LDB2: variants seen among roughly 807,000 people sequenced by gnomAD.
LDB2 encodes LIM domain-binding protein 2.
Under a neutral mutation model 44.3 loss-of-function variants are expected in LDB2, and 12 were observed. The observed-to-expected ratio is 0.27, with a 90% confidence interval of 0.17 to 0.44. The LOEUF (loss-of-function observed/expected upper bound fraction) is 0.44, where lower values mean the gene tolerates loss of function less well. LDB2 is among the 20% of genes least tolerant of loss of function. LDB2 has a pLI of 1.00. For missense variants in LDB2, 344 were observed against 473.5 expected (o/e 0.73, Z 2.54); for synonymous variants, 164 against 174.8 (o/e 0.94, Z 0.49).
intron 2 of LDB2, among the ~76,000 whole-genome samples, chr4:16,714,330 C>G (rs1474465845): frequency 6.6e-6 from 1 of 152,204 alleles, no homozygotes; most frequent in Non-Finnish European, 1.5e-5. Context: ...ACTCAGCTAG[C>G]TGGATGTGAG....
At chr4:16,552,472 C>T (rs1437077584) in intron 5 of LDB2, among the ~76,000 whole-genome samples, 1 of 152,054 alleles carries the variant, frequency 6.6e-6, no homozygotes, top group East Asian at 1.9e-4. Context: ...CACCTTTTTT[C>T]TTGTTTGTAA....
chr4:16,653,143 A>G (rs1336677599), intron 2 of LDB2, among the ~76,000 whole-genome samples: 4 of 152,186 alleles, frequency 2.6e-5, no homozygotes, highest in Non-Finnish European at 4.4e-5. Context: ...GGGGCCCTGC[A>G]GCTGATAGAG....
intron 5 of LDB2, among the ~76,000 whole-genome samples, chr4:16,563,070 G>A (rs1743011511): frequency 6.6e-5 from 10 of 151,496 alleles, no homozygotes; most frequent in African/African-American, 2.4e-4. Flanking sequence ...CTGTTGTGGG[G>A]TGGGGGGAGA....
At chr4:16,771,086 G>T (rs76307189) in intron 1 of LDB2, among the ~76,000 whole-genome samples, 1,888 of 152,172 alleles carry the variant, frequency 0.012, 17 homozygotes, top group Non-Finnish European at 0.018. Context: ...TCAAAATCTT[G>T]TTTCTGTGAC....
Position 16,898,361 on chromosome 4 carries a change from C to A in LDB2, c.125G>T (p.Arg42Leu). ...IYEMNKRLQS[R>L]TEDSDNLWWD... ...CAAGGTTGAAGTACTTACCTCTGTG[C>A]GAGACTGCAGTCTCTTGTTCATCTC... Residue 42 changes from arginine to leucine, a missense_variant, in exon 1 of 8, where the codon CGC becomes CTC. Coordinates refer to ENST00000304523, the MANE Select transcript of LDB2 (RefSeq NM_001290.5). The A allele has an allele frequency of 1.2e-6, 2 of 1,612,914 alleles. No individual in the cohort carries two copies. The highest frequency in any genetic ancestry group is 1.1e-5 in the South Asian group (1 of 90,934).
At chr4:16,850,365 C>T (rs1006173094) in intron 1 of LDB2, among the ~76,000 whole-genome samples, 6 of 151,222 alleles carry the variant, frequency 4.0e-5, no homozygotes, top group Non-Finnish European at 7.4e-5. Flanking sequence ...ATTTCCCTTG[C>T]ATGCAAAAAA....
intron 2 of LDB2, among the ~76,000 whole-genome samples, chr4:16,691,821 G>A (rs1465705796): frequency 1.3e-5 from 2 of 152,102 alleles, no homozygotes; most frequent in South Asian, 2.1e-4. Flanking sequence ...AGGAGTGTAG[G>A]TGTCTGACAC....
At chr4:16,651,597 A>G (rs1055965207) in intron 2 of LDB2, among the ~76,000 whole-genome samples, 2 of 137,814 alleles carry the variant, frequency 1.5e-5, no homozygotes, top group Non-Finnish European at 3.2e-5. Context: ...TTTTTTTTTT[A>G]ATGTCTACGC....
intron 1 of LDB2, among the ~76,000 whole-genome samples, chr4:16,846,494 A>G (rs1787032478): frequency 6.6e-6 from 1 of 152,306 alleles, no homozygotes; most frequent in South Asian, 2.1e-4. Context: ...TTCTATCTAT[A>G]TATTTTTTAT....
chr4:16,722,148 C>G (rs1758413144), intron 2 of LDB2, among the ~76,000 whole-genome samples: 1 of 152,080 alleles, frequency 6.6e-6, no homozygotes, highest in African/African-American at 2.4e-5. Flanking sequence ...ATAGTAGCAG[C>G]TACTACTTCA....
intron 5 of LDB2, among the ~76,000 whole-genome samples, chr4:16,515,138 A>G (rs1723156014): frequency 6.6e-6 from 1 of 152,240 alleles, no homozygotes; most frequent in Non-Finnish European, 1.5e-5. Flanking sequence ...CTTTGTAGTA[A>G]CATGGATGCA....
intron 1 of LDB2, among the ~76,000 whole-genome samples, chr4:16,780,335 G>T (rs892094239): frequency 3.9e-5 from 6 of 152,086 alleles, no homozygotes; most frequent in Non-Finnish European, 7.4e-5. Flanking sequence ...CAATTCTCTG[G>T]CCTTAGCCTC....
chr4:16,873,125 T>C (rs1717213592), intron 1 of LDB2, among the ~76,000 whole-genome samples: 1 of 152,162 alleles, frequency 6.6e-6, no homozygotes, highest in Non-Finnish European at 1.5e-5. Flanking sequence ...CTGAGCACCC[T>C]GGGAATATTT....
chr4:16,724,347 T>C (rs1341114597), intron 2 of LDB2, among the ~76,000 whole-genome samples: 1 of 151,370 alleles, frequency 6.6e-6, no homozygotes, highest in African/African-American at 2.4e-5. Context: ...GGGAGATTTG[T>C]GGGCACCTGG....
chr4:16,766,671 A>G (rs1190057453), intron 1 of LDB2, among the ~76,000 whole-genome samples: 1 of 151,508 alleles, frequency 6.6e-6, no homozygotes, highest in Non-Finnish European at 1.5e-5. Flanking sequence ...ACGCCCAGCT[A>G]ATTTTTGTAT....
intron 5 of LDB2, among the ~76,000 whole-genome samples, chr4:16,515,015 G>C (rs1339986379): frequency 6.6e-6 from 1 of 152,148 alleles, no homozygotes; most frequent in East Asian, 1.9e-4. Context: ...ACTCACAATA[G>C]CGAAGACGTG....
chr4:16,865,268 A>G (rs1399008960), intron 1 of LDB2, among the ~76,000 whole-genome samples: 4 of 152,134 alleles, frequency 2.6e-5, no homozygotes, highest in African/African-American at 9.7e-5. Context: ...AGAAAGAAAC[A>G]AAGAGCCCAT....
At chr4:16,569,898 A>T (rs1745806581) in intron 5 of LDB2, among the ~76,000 whole-genome samples, 1 of 152,160 alleles carries the variant, frequency 6.6e-6, no homozygotes, top group African/African-American at 2.4e-5. Context: ...CTACCCTCAC[A>T]TACAGGGCTG....
At chr4:16,689,016 G>A (rs949216499) in intron 2 of LDB2, among the ~76,000 whole-genome samples, 1 of 152,232 alleles carries the variant, frequency 6.6e-6, no homozygotes, top group Admixed American at 6.5e-5. Context: ...CAGAGGAGCT[G>A]AGACCATCGC....
Sources: gnomAD v4.1 joint callset for allele counts (sites outside exome capture counted in the v4.1 genomes callset) on GRCh38, gnomAD v4.1.1 for gene constraint, MANE v1.5 for transcripts, NCBI Gene and HGNC (gene_info 2026-07-23, HGNC 2026-07-21) for gene names.